PMPCB: variants seen among roughly 807,000 people sequenced by gnomAD.
PMPCB encodes mitochondrial-processing peptidase subunit beta.
Under a neutral mutation model 61.5 loss-of-function variants are expected in PMPCB, and 46 were observed. The observed-to-expected ratio is 0.75, with a 90% CI of 0.59 to 0.96. The LOEUF is 0.96. Ranked by LOEUF, PMPCB falls within the 40% of genes least tolerant of loss-of-function variation. The pLI, the probability that PMPCB is intolerant of heterozygous loss-of-function variation, is 0.00. For missense variants in PMPCB, 590 were observed against 602.4 expected (o/e 0.98, Z 0.22); for synonymous variants, 191 against 201.6 (o/e 0.95, Z 0.44).
chr7:103,320,454 C>T (rs1818322814), intron 12 of PMPCB, among the ~76,000 whole-genome samples: 1 of 151,940 alleles, frequency 6.6e-6, no homozygotes, highest in Admixed American at 6.6e-5. Flanking sequence ...TTTTTCTAAA[C>T]ATAATCATCT....
At chr7:103,303,526 A>G (rs1453819501) in intron 4 of PMPCB, among the ~76,000 whole-genome samples, 1 of 152,230 alleles carries the variant, frequency 6.6e-6, no homozygotes, top group Non-Finnish European at 1.5e-5. Context: ...ACTAATATAT[A>G]TAACTTTGTA....
chr7:103,345,609 A>T, the PMPCB span, among the ~76,000 whole-genome samples: 6 of 148,628 alleles, frequency 4.0e-5, no homozygotes, highest in African/African-American at 9.9e-5. Context: ...TAAATATATT[A>T]TATATATATA....
intron 12 of PMPCB, chr7:103,324,602 A>G: frequency 2.2e-6 from 3 of 1,394,384 alleles, no homozygotes; most frequent in Non-Finnish European, 1.9e-6. Context: ...TTCTTCAAAA[A>G]TTATGTACAA....
At chr7:103,344,655 G>T in the PMPCB span, 1 of 1,601,896 alleles carries the variant, frequency 6.2e-7, no homozygotes, top group Non-Finnish European at 8.5e-7. Flanking sequence ...TGGGCGCAGC[G>T]GCTCACGTCC....
chr7:103,322,085 T>TA (rs781715794), intron 12 of PMPCB: 12 of 1,593,368 alleles, frequency 7.5e-6, no homozygotes, highest in East Asian at 4.5e-5. Context: ...GTCTTTGCTT[T>TA]AAAAAAAGGG....
intron 9 of PMPCB, 28 bp downstream of exon 9, chr7:103,310,503 AATTTT>A (rs773711256): frequency 2.7e-5 from 42 of 1,557,272 alleles, no homozygotes; most frequent in Middle Eastern, 1.7e-4. Flanking sequence ...AAGTAATTTA[AATTTT>A]GCCTTTAATT....
the PMPCB span, among the ~76,000 whole-genome samples, chr7:103,345,708 A>G: frequency 6.6e-6 from 1 of 151,688 alleles, no homozygotes; most frequent in Non-Finnish European, 1.5e-5. Flanking sequence ...CTCCTGCCTC[A>G]GTCTCCCAAA....
chr7:103,324,838 A>G (rs1351402193), intron 12 of PMPCB: 2 of 199,416 alleles, frequency 1.0e-5, no homozygotes, highest in Non-Finnish European at 1.0e-5. Context: ...ATAAAATACA[A>G]TGCCATAGCA....
At chr7:103,342,242 T>A in the PMPCB span, among the ~76,000 whole-genome samples, 2 of 151,824 alleles carry the variant, frequency 1.3e-5, no homozygotes, top group African/African-American at 4.8e-5. Flanking sequence ...GGGATATGAG[T>A]AAGGTGAGGA....
chr7:103,337,633 G>A, the PMPCB span: 3 of 903,152 alleles, frequency 3.3e-6, no homozygotes, highest in Non-Finnish European at 5.2e-6. Flanking sequence ...GCTGTTAAAT[G>A]TAGTTATGGC....
chr7:103,297,827 A>G lies in PMPCB; in HGVS notation c.99+269A>G, dbSNP rs1275752093. On this transcript the variant is annotated intron_variant, in intron 1 of 12. Coordinates refer to ENST00000249269, the MANE Select transcript of PMPCB (RefSeq NM_004279.3). ...ACTGAGGAGTGCATGTTTGACCACT[A>G]AAAACGTAGTGCTTGCAAATTGGGG... 4.6e-6 allele frequency: 7 copies of G among 1,515,396 alleles called. No individual in the cohort carries two copies. In the East Asian group the frequency reaches 7.7e-5, roughly 17 times the overall value. 93.9% of individuals were successfully genotyped at this position (1,515,396 alleles called of 1,614,324 possible). A position where few individuals can be genotyped will look rare whatever the true frequency, so the allele number is the denominator to read the frequency against.
At chr7:103,307,545 G>T (rs747127872) in intron 6 of PMPCB, 51 bp from the exon 7 acceptor site, 20 of 1,072,676 alleles carry the variant, frequency 1.9e-5, no homozygotes, top group South Asian at 3.8e-5. Context: ...AGGGTTTATT[G>T]TAAACTATAT....
chr7:103,310,131 TG>T (rs1817694979), intron 8 of PMPCB, among the ~76,000 whole-genome samples, 183 bp from the exon 9 acceptor site: 1 of 152,210 alleles, frequency 6.6e-6, no homozygotes, highest in Non-Finnish European at 1.5e-5. Context: ...GGGGGTGCAC[TG>T]GGTAAGTGAG....
At chr7:103,338,640 G>T in the PMPCB span, among the ~76,000 whole-genome samples, 3 of 151,928 alleles carry the variant, frequency 2.0e-5, no homozygotes, top group African/African-American at 7.2e-5. Flanking sequence ...GGCTGGGCAT[G>T]CCAGCTTACG....
intron 6 of PMPCB, among the ~76,000 whole-genome samples, chr7:103,307,075 T>C (rs888999384): frequency 1.3e-5 from 2 of 151,978 alleles, no homozygotes; most frequent in Admixed American, 1.3e-4. Flanking sequence ...ATTTATTTTA[T>C]TGAGACAGAG....
chr7:103,333,514 C>T (rs564408421), downstream of PMPCB, among the ~76,000 whole-genome samples: 4 of 152,118 alleles, frequency 2.6e-5, no homozygotes, highest in Non-Finnish European at 4.4e-5. Flanking sequence ...GGAGATAAAA[C>T]GTAGATAAAA....
chr7:103,325,173 G>A (rs753573148), intron 12 of PMPCB, among the ~76,000 whole-genome samples: 5 of 152,216 alleles, frequency 3.3e-5, no homozygotes, highest in Non-Finnish European at 7.3e-5. Flanking sequence ...GCCAGGCGCG[G>A]TGGCTCATGC....
chr7:103,321,205 T>C lies in PMPCB; in HGVS notation c.*1432-7726T>C, dbSNP rs1056821712. Among the ~76,000 whole-genome samples, 5 of 151,606 alleles carry C rather than the reference T, an allele frequency of 3.3e-5. No homozygotes were observed. In the South Asian group the frequency reaches 6.2e-4, roughly 19 times the overall value. On this transcript the variant is annotated intron_variant and NMD_transcript_variant, in intron 12 of 12. Transcript: ENST00000444457. ...TGAGACCCTGCCTCAACAACAACAA[T>C]AACAAAAACTTAATTAGAAAAAGTT...
At chr7:103,307,364 C>T (rs1817617904) in intron 6 of PMPCB, among the ~76,000 whole-genome samples, 1 of 152,028 alleles carries the variant, frequency 6.6e-6, no homozygotes, top group Non-Finnish European at 1.5e-5. Context: ...AGCTGTGAAT[C>T]CATTGGTCTG....
Sources: gnomAD v4.1 joint callset for allele counts (sites outside exome capture counted in the v4.1 genomes callset) on GRCh38, gnomAD v4.1.1 for gene constraint, MANE v1.5 for transcripts, NCBI Gene and HGNC (gene_info 2026-07-23, HGNC 2026-07-21) for gene names.